MACF1: variants seen among roughly 807,000 people sequenced by gnomAD.
MACF1 encodes microtubule-actin cross-linking factor 1.
MACF1 carries 193 observed loss-of-function variants against 854.8 expected under a neutral mutation model. The observed-to-expected ratio is 0.23, with a 90% CI of 0.20 to 0.25. MACF1 has a LOEUF of 0.25. MACF1 is among the 10% of genes least tolerant of loss of function. The pLI is 1.00. For synonymous variants in MACF1, 3,185 were observed against 3,226.7 expected, an observed-to-expected ratio of 0.99 and a Z score of 0.44; for missense variants, 7,722 against 8,929.1, an observed-to-expected ratio of 0.86 and a Z score of 5.45.
At chr1:39,339,014 C>T (rs985337655) in intron 38 of MACF1, among the ~76,000 whole-genome samples, 2 of 152,210 alleles carry the variant, frequency 1.3e-5, no homozygotes, top group African/African-American at 4.8e-5. Flanking sequence ...CACAGTGGCT[C>T]ATGCCTATAA....
chr1:39,390,087 T>C (rs1344055239), intron 58 of MACF1, among the ~76,000 whole-genome samples: 1 of 152,238 alleles, frequency 6.6e-6, no homozygotes, highest in East Asian at 1.9e-4. Context: ...GTTCTCACTA[T>C]ATTAACCTGT....
chr1:39,283,276 G>C lies in MACF1; in HGVS notation c.783G>C (p.Gly261=), dbSNP rs967271905. 2.5e-6 allele frequency: 4 copies of C among 1,613,496 alleles called. No individual in the cohort carries two copies. The African/African-American group carries it at 5.3e-5, about 22-fold the overall frequency. Residue 261 remains glycine, a synonymous_variant, in exon 8 of 101, where the codon GGG becomes GGC. Coordinates refer to ENST00000564288, the MANE Select transcript of MACF1 (RefSeq NM_001394062.1). The surrounding 1 kb of genome is among the most constrained non-coding windows in gnomAD (Gnocchi z 4.5). ...CTTTTGAAGTGGCAGAAAGACTGGG[G>C]GTCACTCGCCTGCTGGATGCAGAAG... ...EQAFEVAERL[G]VTRLLDAEDV...
intron 2 of MACF1, among the ~76,000 whole-genome samples, chr1:39,185,735 G>T (rs1394438067): frequency 6.6e-6 from 1 of 152,186 alleles, no homozygotes; most frequent in Non-Finnish European, 1.5e-5. Flanking sequence ...AGAAGGAAAT[G>T]AGTCAGATAA....
chr1:39,433,239 G>C, intron 68 of MACF1, 84 bp downstream of exon 68: 1 of 797,816 alleles, frequency 1.3e-6, no homozygotes, highest in South Asian at 1.8e-5. Flanking sequence ...GATGGTTTAA[G>C]GCTTTTTCCC....
rs1290870452 is a variant in MACF1 at position 39,360,026 on chromosome 1, T to A, written c.12244+762T>A. Among the ~76,000 whole-genome samples, 167 of 43,490 alleles carry A rather than the reference T, an allele frequency of 3.8e-3. 1 individual carries two copies. The highest frequency in any genetic ancestry group is 0.016 in the African/African-American group (126 of 7,690). 28.5% of individuals were successfully genotyped at this position (43,490 alleles called of 152,430 possible). ...AAAAAAAAAAAAATATATATATATA[T>A]ATATATATATATATATATATATATA... On this transcript the variant is annotated intron_variant, in intron 47 of 100. Coordinates refer to ENST00000564288, the MANE Select transcript of MACF1 (RefSeq NM_001394062.1).
At chr1:39,408,938 C>T (rs1298934885) in intron 58 of MACF1, among the ~76,000 whole-genome samples, 5 of 150,982 alleles carry the variant, frequency 3.3e-5, no homozygotes, top group African/African-American at 1.2e-4. Context: ...CCCGCCCCCG[C>T]CGGGCCCCGC....
At chr1:39,310,617 A>G (rs1646280576) in intron 25 of MACF1, among the ~76,000 whole-genome samples, 189 bp downstream of exon 25, 3 of 152,230 alleles carry the variant, frequency 2.0e-5, no homozygotes, top group Admixed American at 2.0e-4. Flanking sequence ...GTCTGTTGAT[A>G]TTTCAGTCAT....
rs1325276970 is a variant in MACF1, at chr1:39,331,390, G to T, written c.4802G>T (p.Arg1601Ile). 1.9e-6 allele frequency: 3 copies of T among 1,614,020 alleles called. No homozygotes were observed. Among genetic ancestry groups the T allele is most frequent in the Non-Finnish European group, 2.5e-6 (3 of 1,179,994 alleles). ...ENLSLEEGIA[R>I]NLINPQMYQQ... ...CTCTCTTTGGAGGAGGGCATAGCCA[G>T]AAACCTCATTAATCCCCAGATGTAC... Residue 1601 changes from arginine to isoleucine, a missense_variant, in exon 37 of 101, where the codon AGA becomes ATA. Physicochemically the swap from Arg to Ile is moderately conservative, Grantham distance 97. This residue lies in a region of MACF1 where 1,531 missense variants were observed against 1,601.6 expected (regional missense o/e 0.96). Coordinates refer to ENST00000564288, the MANE Select transcript of MACF1 (RefSeq NM_001394062.1).
At chr1:39,439,561 A>G (rs1053179841) in intron 72 of MACF1, 61 bp downstream of exon 72, 5 of 1,342,926 alleles carry the variant, frequency 3.7e-6, no homozygotes, top group Non-Finnish European at 5.3e-6. Context: ...GCACTTTATC[A>G]AATCAAAGTG....
intron 5 of MACF1, 137 bp from the exon 6 acceptor site, chr1:39,257,799 T>C (rs555549795): frequency 3.1e-6 from 2 of 644,074 alleles, no homozygotes; most frequent in African/African-American, 3.7e-5. Flanking sequence ...CATGAATCTA[T>C]ACATGTGTTA....
Position 39,327,369 on chromosome 1 carries a change from A to T in MACF1, c.4614+16A>T. The T allele has an allele frequency of 1.3e-6, 2 of 1,576,702 alleles. No homozygotes were observed. Among genetic ancestry groups the T allele is most frequent in the South Asian group, 2.3e-5 (2 of 88,144 alleles). ...AGAACAAAAGGTACTTTTAGTTTTC[A>T]TCTCCAAATATTGGGTGGATACCTT... On this transcript the variant is annotated intron_variant, in intron 36 of 100. Transcript: ENST00000564288.
chr1:39,340,555 G>C lies in MACF1; in HGVS notation c.10269G>C (p.Glu3423Asp), dbSNP rs754539721. 1.2e-6 allele frequency: 2 copies of C among 1,614,086 alleles called. No individual in the cohort carries two copies. Among genetic ancestry groups the C allele is most frequent in the Admixed American group, 1.7e-5 (1 of 60,024 alleles). ...DLTTLVSQEL[E>D]CVNQIIISQP... ...CCACCTTGGTCAGTCAGGAGCTGGA[G>C]TGTGTGAATCAGATTATCATCAGCC... Residue 3423 changes from glutamate (E) to aspartate (D), a missense_variant, in exon 39 of 101, where the codon GAG becomes GAC. By Grantham distance (45) the Glu-to-Asp change is conservative. Coordinates refer to ENST00000564288, the MANE Select transcript of MACF1 (RefSeq NM_001394062.1).
chr1:39,379,527 G>A (rs1292277600), intron 54 of MACF1, 83 bp downstream of exon 54: 1 of 1,467,068 alleles, frequency 6.8e-7, no homozygotes, highest in East Asian at 2.3e-5. Flanking sequence ...CCAGGTATCT[G>A]AGAGAGAGAC....
At chr1:39,375,685 C>G (rs185899044) in intron 52 of MACF1, among the ~76,000 whole-genome samples, 2 of 152,290 alleles carry the variant, frequency 1.3e-5, no homozygotes, top group East Asian at 3.9e-4. Context: ...CAAATGATGA[C>G]AAATGTTTTT....
intron 49 of MACF1, among the ~76,000 whole-genome samples, chr1:39,367,616 C>T (rs540412120): frequency 6.1e-4 from 93 of 152,238 alleles, no homozygotes; most frequent in African/African-American, 2.1e-3. Flanking sequence ...TGGTAAGTGG[C>T]AAAGTGTGAT....
chr1:39,412,294 T>A lies in MACF1; in HGVS notation c.15817-10080T>A, dbSNP rs752071678. 36 of 1,613,888 alleles carry A rather than the reference T, an allele frequency of 2.2e-5. No homozygotes were observed. The East Asian group carries it at 7.3e-4, about 33-fold the overall frequency. ...AGTAGAGGTGTTATATGAATCAAATTTACTAACAGATGAAATTCATTTGGA... is the reference window on the plus strand; with the variant it reads ...AGTAGAGGTGTTATATGAATCAAATATACTAACAGATGAAATTCATTTGGA... On this transcript the variant is annotated intron_variant, in intron 58 of 100. Coordinates refer to ENST00000564288, the MANE Select transcript of MACF1 (RefSeq NM_001394062.1).
In MACF1 at chr1:39,387,779, A is replaced by G; in HGVS notation, c.14937A>G (p.Gly4979=). ...LINSSEADED[G]IRDEKAGINQ... is the part of the protein sequence containing the mutation. ...ATTCTTCAGAAGCAGATGAGGATGG[A>G]ATCCGGGATGAGAAGGCTGGGATCA... The change falls in exon 58 of 101, where the codon GGA becomes GGG. Residue 4979 remains glycine (G), a synonymous_variant. Transcript: ENST00000564288. The G allele has an allele frequency of 6.2e-7, 1 of 1,614,202 alleles. No homozygotes were observed. Among genetic ancestry groups the G allele is most frequent in the Non-Finnish European group, 8.5e-7 (1 of 1,180,044 alleles).
intron 22 of MACF1, among the ~76,000 whole-genome samples, chr1:39,302,252 C>T (rs1646063168): frequency 1.3e-5 from 2 of 152,174 alleles, no homozygotes; most frequent in South Asian, 2.1e-4. Context: ...CCTACCTTAG[C>T]CTTCAGAAGT....
Position 39,409,133 on chromosome 1 carries a change from C to T in MACF1, c.15817-13241C>T, listed in dbSNP as rs1240664498. On this transcript the variant is annotated intron_variant, in intron 58 of 100. Coordinates refer to ENST00000564288, the MANE Select transcript of MACF1 (RefSeq NM_001394062.1). The surrounding 1 kb of genome is among the most constrained non-coding windows in gnomAD (Gnocchi z 4.2). ...CGCTGCGCGGGGGAGGAGGACTCGC[C>T]CCCCGCCCGACCCTAGCGGAGCCTT... 6.6e-6 allele frequency among the ~76,000 whole-genome samples: 1 copy of T among 152,010 alleles called. No individual in the cohort carries two copies. Among genetic ancestry groups the T allele is most frequent in the East Asian group, 1.9e-4 (1 of 5,144 alleles).
Sources: gnomAD v4.1 joint callset for allele counts (sites outside exome capture counted in the v4.1 genomes callset) on GRCh38, gnomAD v4.1.1 for gene constraint, gnomAD v4.1.1 regional missense constraint, Gnocchi (gnomAD v3.1) non-coding constraint, MANE v1.5 for transcripts, NCBI Gene and HGNC (gene_info 2026-07-23, HGNC 2026-07-21) for gene names.